Variants in RAB7A observed in about 807,000 individuals in gnomAD.
RAB7A encodes the protein ras-related protein Rab-7a.
RAB7A carries 2 observed loss-of-function variants against 24.5 expected under a neutral mutation model. The ratio of observed to expected loss-of-function variants is 0.08; its 90% confidence interval spans 0.03 to 0.26. The LOEUF is 0.26. Ranked by LOEUF, RAB7A falls within the 10% of genes least tolerant of loss-of-function variation. RAB7A has a pLI of 1.00. For synonymous variants in RAB7A, 100 were observed against 95.9 expected (o/e 1.04, Z -0.25); for missense variants, 118 against 255.7 (o/e 0.46, Z 3.67).
chr3:128,768,839 G>A (rs1259647646), intron 1 of RAB7A, among the ~76,000 whole-genome samples: 1 of 151,404 alleles, frequency 6.6e-6, no homozygotes, highest in Non-Finnish European at 1.5e-5. Flanking sequence ...GATTACAGGC[G>A]TGAGACACTG....
intron 1 of RAB7A, among the ~76,000 whole-genome samples, chr3:128,777,239 G>T (rs189678420): frequency 6.6e-6 from 1 of 151,524 alleles, no homozygotes; most frequent in African/African-American, 2.4e-5. Flanking sequence ...TCACCCAGCC[G>T]CTGGAGTACA....
At position 128,800,303 on chromosome 3, in the gene RAB7A, T is replaced by G. The variant is rs563483293; in HGVS notation, c.180+2234T>G. 4.4e-3 allele frequency among the ~76,000 whole-genome samples: 677 copies of G among 152,324 alleles called. 5 individuals carry two copies. The highest frequency in any genetic ancestry group is 0.022 in the South Asian group (106 of 4,828). On this transcript the variant is annotated intron_variant, in intron 3 of 5. Transcript: ENST00000265062. Reference sequence around the variant, plus strand: ...TAAAGGCCCATCTGAAGATTCTCCATGTGTCACAGCAAGACTCAGACTGCC... The same window carrying G: ...TAAAGGCCCATCTGAAGATTCTCCAGGTGTCACAGCAAGACTCAGACTGCC...
At chr3:128,812,357 G>A (rs577737006) in intron 5 of RAB7A, among the ~76,000 whole-genome samples, 5 of 152,240 alleles carry the variant, frequency 3.3e-5, no homozygotes, top group East Asian at 3.9e-4. Context: ...TCAGGTGGTC[G>A]ACCTGCTTCA....
At position 128,753,916 on chromosome 3, in the gene RAB7A, G is replaced by C. The variant is rs2070708675; in HGVS notation, c.-9+27557G>C. Among the ~76,000 whole-genome samples the C allele has an allele frequency of 2.0e-5, 3 of 152,106 alleles. No homozygotes were observed. In the South Asian group the frequency reaches 6.2e-4, roughly 32 times the overall value. On this transcript the variant is annotated intron_variant, in intron 1 of 5. Transcript: ENST00000265062. ...GGCCTCAAAAGTGCTGTGGTTACAG[G>C]TGTGAGCCACACCTCTTAATCCTGT... is the stretch of plus-strand genomic sequence containing the variant.
At chr3:128,746,174 C>T (rs1392351461) in intron 1 of RAB7A, among the ~76,000 whole-genome samples, 7 of 152,212 alleles carry the variant, frequency 4.6e-5, no homozygotes, top group African/African-American at 1.7e-4. Flanking sequence ...CTTTGATAAA[C>T]AACCCTCCAT....
chr3:128,784,216 AAC>A (rs1933280075), intron 1 of RAB7A, among the ~76,000 whole-genome samples: 1 of 152,248 alleles, frequency 6.6e-6, no homozygotes, highest in Non-Finnish European at 1.5e-5. Context: ...TCTAAAATCA[AAC>A]ACAATTCCTC....
chr3:128,809,948 T>TTTTTTTTTTTTTTTTTTTTTTTTTTC (rs1933890009), intron 5 of RAB7A, among the ~76,000 whole-genome samples: 1 of 95,306 alleles, frequency 1.0e-5, no homozygotes, highest in Non-Finnish European at 2.3e-5. Flanking sequence ...TTTTTTTTTT[T>TTTTTTTTTTTTTTTTTTTTTTTTTTC]TTTTTTTTTT....
At chr3:128,762,818 A>G (rs1045860419) in intron 1 of RAB7A, among the ~76,000 whole-genome samples, 2 of 152,218 alleles carry the variant, frequency 1.3e-5, no homozygotes, top group Non-Finnish European at 2.9e-5. Context: ...ACAGTTTATT[A>G]TGAAAAAATG....
intron 1 of RAB7A, among the ~76,000 whole-genome samples, chr3:128,734,148 G>A (rs559768815): frequency 9.2e-5 from 14 of 152,160 alleles, no homozygotes; most frequent in African/African-American, 3.4e-4. Context: ...GCAGAGGTTC[G>A]GCCAGGCACA....
chr3:128,729,003 A>T (rs1037672860), intron 1 of RAB7A, among the ~76,000 whole-genome samples: 2 of 152,220 alleles, frequency 1.3e-5, no homozygotes, highest in Non-Finnish European at 2.9e-5. Flanking sequence ...TTAAGGGAAG[A>T]TTTGGATTTT....
At chr3:128,775,283 CTG>C (rs1414025472) in intron 1 of RAB7A, among the ~76,000 whole-genome samples, 1 of 152,214 alleles carries the variant, frequency 6.6e-6, no homozygotes, top group Non-Finnish European at 1.5e-5. Context: ...TTTAGTGAGA[CTG>C]TTCACCTTGC....
chr3:128,807,362 G>C (rs1361004150), intron 4 of RAB7A, among the ~76,000 whole-genome samples, 181 bp from the exon 5 acceptor site: 2 of 152,152 alleles, frequency 1.3e-5, no homozygotes, highest in African/African-American at 2.4e-5. Flanking sequence ...GCTATCCTGA[G>C]CATAGCTAGC....
At chr3:128,800,228 A>G (rs939254169) in intron 3 of RAB7A, among the ~76,000 whole-genome samples, 2 of 152,226 alleles carry the variant, frequency 1.3e-5, no homozygotes, top group Admixed American at 6.5e-5. Flanking sequence ...CAGACTGACA[A>G]ATTCTCAACA....
chr3:128,741,900 C>A (rs912165623), intron 1 of RAB7A, among the ~76,000 whole-genome samples: 2 of 151,944 alleles, frequency 1.3e-5, no homozygotes, highest in African/African-American at 4.8e-5. Flanking sequence ...CGACTCATTG[C>A]AGCCTTGGCC....
At chr3:128,782,400 T>C (rs1314246174) in intron 1 of RAB7A, among the ~76,000 whole-genome samples, 1 of 152,164 alleles carries the variant, frequency 6.6e-6, no homozygotes, top group Non-Finnish European at 1.5e-5. Flanking sequence ...AGATGCTTGC[T>C]GTCTTCCTCC....
At chr3:128,755,212 A>G (rs543376024) in intron 1 of RAB7A, among the ~76,000 whole-genome samples, 5 of 152,340 alleles carry the variant, frequency 3.3e-5, no homozygotes, top group African/African-American at 1.2e-4. Context: ...GGAAAACTGG[A>G]GACTTTATGT....
At chr3:128,733,109 T>G (rs770524755) in intron 1 of RAB7A, among the ~76,000 whole-genome samples, 9 of 152,228 alleles carry the variant, frequency 5.9e-5, no homozygotes, top group Non-Finnish European at 1.0e-4. Context: ...TGTATTTTAG[T>G]AAACATACAT....
Position 128,765,097 on chromosome 3 carries a change from G to A in RAB7A, c.-8-30263G>A, listed in dbSNP as rs556394979. 9.8e-4 allele frequency: 780 copies of A among 792,926 alleles called. 6 individuals are homozygous for A. In the African/African-American group the frequency reaches 0.012, roughly 12 times the overall value. 49.1% of individuals were successfully genotyped at this position (792,926 alleles called of 1,614,324 possible). A position where few individuals can be genotyped will look rare whatever the true frequency, so the allele number is the denominator to read the frequency against. On this transcript the variant is annotated intron_variant, in intron 1 of 5. Coordinates refer to ENST00000265062, the MANE Select transcript of RAB7A (RefSeq NM_004637.6). ...GGGGGCCTTGGGATGGTCCGAGGGT[G>A]CAGTGAAGAGGGGACAGAGGGCTGG...
chr3:128,764,805 C>T, intron 1 of RAB7A: 1 of 897,416 alleles, frequency 1.1e-6, no homozygotes, highest in Non-Finnish European at 1.9e-6. Flanking sequence ...TTTGCAGCTT[C>T]ATCAGTTTCT....
Sources: gnomAD v4.1 joint callset for allele counts (sites outside exome capture counted in the v4.1 genomes callset) on GRCh38, gnomAD v4.1.1 for gene constraint, MANE v1.5 for transcripts, NCBI Gene and HGNC (gene_info 2026-07-23, HGNC 2026-07-21) for gene names.